Variants in PDE10A observed in about 807,000 individuals in gnomAD.
The protein encoded by PDE10A is phosphodiesterase 10A, also known as cAMP and cAMP-inhibited cGMP 3',5'-cyclic phosphodiesterase 10A.
In PDE10A, 39 loss-of-function variants were observed where a neutral mutation model predicts 97.7. That is an observed-to-expected ratio of 0.40 (90% CI 0.31 to 0.52). The LOEUF is 0.52. Among genes scored for constraint, PDE10A ranks in the 20% least tolerant of loss-of-function variants. PDE10A has a pLI of 0.56. For synonymous variants in PDE10A, 371 were observed against 376.8 expected, an observed-to-expected ratio of 0.98 and a Z score of 0.18; for missense variants, 731 against 1,047.8, an observed-to-expected ratio of 0.70 and a Z score of 4.17.
At chr6:165,792,306 G>A (rs980615669) in intron 1 of PDE10A, among the ~76,000 whole-genome samples, 3 of 152,194 alleles carry the variant, frequency 2.0e-5, no homozygotes, top group African/African-American at 7.2e-5. Context: ...GATGGAGCAG[G>A]ACGCAGGCTG....
intron 1 of PDE10A, among the ~76,000 whole-genome samples, chr6:165,867,817 T>A (rs1781100909): frequency 6.6e-6 from 1 of 152,030 alleles, no homozygotes; most frequent in Non-Finnish European, 1.5e-5. Flanking sequence ...ATTGAAATAA[T>A]ATTAAGTATC....
intron 1 of PDE10A, among the ~76,000 whole-genome samples, chr6:165,770,163 C>A (rs372777862): frequency 3.3e-3 from 426 of 127,560 alleles, no homozygotes; most frequent in African/African-American, 4.4e-3. Context: ...TGCAAAAGGG[C>A]AAAAAAAAAA....
chr6:165,874,854 T>C (rs1286785542), intron 1 of PDE10A, among the ~76,000 whole-genome samples: 1 of 152,172 alleles, frequency 6.6e-6, no homozygotes, highest in Non-Finnish European at 1.5e-5. Flanking sequence ...AGGCAATTTA[T>C]AGGCTTATTT....
chr6:165,850,582 T>C (rs892372747), intron 1 of PDE10A, among the ~76,000 whole-genome samples: 3 of 152,138 alleles, frequency 2.0e-5, no homozygotes, highest in East Asian at 1.9e-4. Flanking sequence ...GTAGGATCCA[T>C]TCTGTTTTAC....
At chr6:165,350,472 T>C (rs548390379) in intron 18 of PDE10A, among the ~76,000 whole-genome samples, 9 of 152,266 alleles carry the variant, frequency 5.9e-5, no homozygotes, top group African/African-American at 2.2e-4. Context: ...TATAGGCTCA[T>C]AGGTGGGAGG....
At position 165,458,679 on chromosome 6, in the gene PDE10A, ACACACT is replaced by A. The variant is rs928758230; in HGVS notation, c.1024-8323_1024-8318del. Among the ~76,000 whole-genome samples, 61 of 151,966 alleles carry A rather than the reference ACACACT, an allele frequency of 4.0e-4. 1 individual carries two copies. Among genetic ancestry groups the A allele is most frequent in the African/African-American group, 1.4e-3 (59 of 41,378 alleles). On this transcript the variant is annotated intron_variant, in intron 3 of 21. Coordinates refer to ENST00000539869, the MANE Select transcript of PDE10A (RefSeq NM_001385079.1). The stretch of plus-strand genomic sequence containing the variant: ...CATGGACAGGCGCACGCACACACAC[ACACACT>A]CACACACACACACACGTTTTATAAA...
intron 15 of PDE10A, among the ~76,000 whole-genome samples, chr6:165,394,308 A>T (rs1017672849): frequency 2.6e-5 from 4 of 152,044 alleles, no homozygotes; most frequent in Non-Finnish European, 5.9e-5. Flanking sequence ...ATAAGAGAGA[A>T]CATGTTGTGT....
At chr6:165,368,946 G>A (rs1275486874) in intron 18 of PDE10A, among the ~76,000 whole-genome samples, 9 of 152,188 alleles carry the variant, frequency 5.9e-5, no homozygotes, top group East Asian at 1.9e-4. Context: ...TGCAGACACC[G>A]CTGCTGATAC....
chr6:165,331,448 G>A lies in PDE10A; in HGVS notation c.*1577C>T, dbSNP rs1349759753. 2 of 152,200 alleles carry A rather than the reference G, an allele frequency of 1.3e-5. No individual in the cohort carries two copies. Among genetic ancestry groups the A allele is most frequent in the Non-Finnish European group, 2.9e-5 (2 of 68,028 alleles). The allele number at this position is 152,200 out of a possible 1,614,324, so 9.4% of individuals were successfully genotyped here. ...AACATAAATAAACCATGTTGTAGAA[G>A]CCTCTGATTTAATTTTGCACAAACC... On this transcript the variant is annotated 3_prime_UTR_variant, in exon 22 of 22. Coordinates refer to ENST00000539869, the MANE Select transcript of PDE10A (RefSeq NM_001385079.1).
At chr6:165,438,046 G>C (rs995695032) in intron 5 of PDE10A, among the ~76,000 whole-genome samples, 1 of 152,158 alleles carries the variant, frequency 6.6e-6, no homozygotes, top group African/African-American at 2.4e-5. Flanking sequence ...CTCAGCGCTA[G>C]GGAAACGTTA....
intron 1 of PDE10A, among the ~76,000 whole-genome samples, chr6:165,747,526 C>G (rs945653593): frequency 6.6e-6 from 1 of 151,750 alleles, no homozygotes; most frequent in African/African-American, 2.4e-5. Context: ...AGTGGAGGAG[C>G]TGATATTTGA....
In PDE10A at chr6:165,892,561, G is replaced by A. The variant is rs1397909098; in HGVS notation, c.-615+94968C>T. ...ATGGCAGCCTCCCCAAGGCATGGGT[G>A]CATGCGCTCTCCTTGGACTTCCGGC... is the stretch of plus-strand genomic sequence containing the variant. On this transcript the variant is annotated intron_variant, in intron 1 of 19. Coordinates refer to the PDE10A transcript ENST00000366882. Among the ~76,000 whole-genome samples, 3 of 152,212 alleles carry A rather than the reference G, an allele frequency of 2.0e-5. No homozygotes were observed. The South Asian group carries it at 6.2e-4, about 32-fold the overall frequency.
At chr6:165,846,794 C>T (rs996364765) in intron 1 of PDE10A, among the ~76,000 whole-genome samples, 5 of 152,208 alleles carry the variant, frequency 3.3e-5, no homozygotes, top group Admixed American at 2.6e-4. Flanking sequence ...GCCGAGCTAG[C>T]GTCCCTTCCT....
intron 1 of PDE10A, among the ~76,000 whole-genome samples, chr6:165,841,806 T>C (rs1177463357): frequency 6.6e-6 from 1 of 152,228 alleles, no homozygotes; most frequent in East Asian, 1.9e-4. Flanking sequence ...GCTCAAAGAC[T>C]GCTCTCTAGC....
Position 165,567,993 on chromosome 6 carries a change from C to CCTTTTTTTTTT in PDE10A, c.866-24426_866-24425insAAAAAAAAAAG, listed in dbSNP as rs370865492. 5.2e-5 allele frequency among the ~76,000 whole-genome samples: 6 copies of CCTTTTTTTTTT among 115,626 alleles called. 1 individual carries two copies. Among genetic ancestry groups the CCTTTTTTTTTT allele is most frequent in the Non-Finnish European group, 8.6e-5 (5 of 58,384 alleles). The allele number at this position is 115,626 out of a possible 152,430, so 75.9% of individuals were successfully genotyped here. A position where few individuals can be genotyped will look rare whatever the true frequency, so the allele number is the denominator to read the frequency against. ...AGCACACAATAGGTACGCAACAAGG[C>CCTTTTTTTTTT]ATTTTTTTTTTTTTTTTTTTTTTGA... On this transcript the variant is annotated intron_variant, in intron 1 of 21. Transcript: ENST00000539869.
chr6:165,945,393 T>C (rs1244524114), intron 1 of PDE10A, among the ~76,000 whole-genome samples: 2 of 152,210 alleles, frequency 1.3e-5, no homozygotes, highest in African/African-American at 4.8e-5. Context: ...TATATGCTTG[T>C]TTGTTTAAGC....
intron 2 of PDE10A, among the ~76,000 whole-genome samples, chr6:165,528,994 A>G (rs1482086116): frequency 6.6e-6 from 1 of 152,144 alleles, no homozygotes; most frequent in Admixed American, 6.5e-5. Flanking sequence ...ACCACTCACC[A>G]TCACCCCTAG....
chr6:165,834,079 C>T (rs773246312), intron 1 of PDE10A, among the ~76,000 whole-genome samples: 7 of 152,198 alleles, frequency 4.6e-5, no homozygotes, highest in Admixed American at 2.6e-4. Flanking sequence ...GAGGGGCTCA[C>T]GGAGGGTGAG....
intron 18 of PDE10A, among the ~76,000 whole-genome samples, chr6:165,350,841 T>A (rs1782644103): frequency 1.3e-5 from 2 of 152,192 alleles, no homozygotes; most frequent in African/African-American, 2.4e-5. Flanking sequence ...CCTACTGCCA[T>A]GTGAAGAAGG....
Sources: gnomAD v4.1 joint callset for allele counts (sites outside exome capture counted in the v4.1 genomes callset) on GRCh38, gnomAD v4.1.1 for gene constraint, MANE v1.5 for transcripts, NCBI Gene and HGNC (gene_info 2026-07-23, HGNC 2026-07-21) for gene names.